ZNF529: variants seen among roughly 807,000 people sequenced by gnomAD.
ZNF529 encodes the protein zinc finger protein 529.
In ZNF529, 11 loss-of-function variants were observed where a neutral mutation model predicts 10.1. The observed-to-expected ratio is 1.09, with a 90% confidence interval of 0.69 to 1.81. The LOEUF (loss-of-function observed/expected upper bound fraction) is 1.81. Among genes scored for constraint, ZNF529 ranks in the 40% most tolerant of loss-of-function variants. ZNF529 has a pLI of 0.00. For missense variants in ZNF529, 624 were observed against 666.8 expected (o/e 0.94, Z 0.71); for synonymous variants, 204 against 215.7 (o/e 0.95, Z 0.47).
At chr19:36,603,209 G>T (rs1600380248) in intron 1 of ZNF529, among the ~76,000 whole-genome samples, 1 of 152,246 alleles carries the variant, frequency 6.6e-6, no homozygotes, top group East Asian at 1.9e-4. Flanking sequence ...TAAGCAATTG[G>T]TCTCCTCCGT....
At chr19:36,556,987 C>T (rs1243794288) in intron 2 of ZNF529, among the ~76,000 whole-genome samples, 2 of 152,098 alleles carry the variant, frequency 1.3e-5, no homozygotes, top group African/African-American at 4.8e-5. Flanking sequence ...GGCTTGTTTG[C>T]CAGACAGAAA....
chr19:36,577,382 C>A, upstream of ZNF529: 1 of 294,610 alleles, frequency 3.4e-6, no homozygotes, highest in Admixed American at 4.7e-5. Context: ...ACCACTGTTT[C>A]CCTTCTAGTC....
chr19:36,559,402 G>A (rs1420194605), intron 2 of ZNF529, among the ~76,000 whole-genome samples: 3 of 152,164 alleles, frequency 2.0e-5, no homozygotes, highest in Admixed American at 1.3e-4. Context: ...TCCACCTCCC[G>A]GGTTCAAGCA....
Position 36,546,748 on chromosome 19 carries a change from A to G in ZNF529, c.*118T>C, listed in dbSNP as rs757699878. 2.8e-5 allele frequency: 30 copies of G among 1,064,164 alleles called. No homozygotes were observed. Among genetic ancestry groups the G allele is most frequent in the Non-Finnish European group, 3.8e-5 (28 of 744,784 alleles). The allele number at this position is 1,064,164 out of a possible 1,614,324, so 65.9% of individuals were successfully genotyped here. ...TACGTCTACATACAGAATGACCATG[A>G]AGTCTAAAAACAGACTTTAAGAGAG... On this transcript the variant is annotated 3_prime_UTR_variant, in exon 5 of 5. Coordinates refer to ENST00000591340, the MANE Select transcript of ZNF529 (RefSeq NM_020951.5).
At chr19:36,594,956 G>A (rs964459706) in intron 1 of ZNF529, among the ~76,000 whole-genome samples, 2 of 150,956 alleles carry the variant, frequency 1.3e-5, no homozygotes, top group Non-Finnish European at 2.9e-5. Context: ...TCGGCTCACT[G>A]CAACCTCCGC....
chr19:36,584,436 G>A (rs754158652), intron 2 of ZNF529, among the ~76,000 whole-genome samples: 1 of 151,918 alleles, frequency 6.6e-6, no homozygotes, highest in African/African-American at 2.4e-5. Flanking sequence ...TACTTTTTAC[G>A]GAATTTCAAA....
chr19:36,584,534 A>G (rs2036537465), intron 2 of ZNF529, among the ~76,000 whole-genome samples: 1 of 152,196 alleles, frequency 6.6e-6, no homozygotes, highest in Non-Finnish European at 1.5e-5. Context: ...TGGGAGGCCA[A>G]GATGGGCAGA....
rs751168073 is a variant in ZNF529 at position 36,547,439 on chromosome 19, C to T, written c.1119G>A (p.Lys373=). The T allele has an allele frequency of 1.2e-6, 2 of 1,613,970 alleles. No homozygotes were observed. The highest frequency in any genetic ancestry group is 1.7e-6 in the Non-Finnish European group (2 of 1,179,928). ...EKPYACKECG[K]AFGVCRELAR... ...CAAGTTCTCTACATACTCCAAAAGC[C>T]TTCCCACATTCCTTACATGCATAAG... Residue 373 remains lysine (K), a synonymous_variant, in exon 5 of 5, where the codon AAG becomes AAA. Transcript: ENST00000591340.
In ZNF529 at chr19:36,547,753, C is replaced by T; in HGVS notation, c.805G>A (p.Val269Ile). The change falls in exon 5 of 5, where the codon GTT (valine) becomes ATT (isoleucine). Residue 269 changes from valine (V) to isoleucine (I), a missense_variant. Transcript: ENST00000591340. ...YRRTFERVGK[V>I]TPLQRVHDGE... ...TCATGAACTCTTTGAAGTGGAGTAA[C>T]TTTTCCAACTCTTTCAAAGGTCCTT... is the stretch of plus-strand genomic sequence containing the variant. The T allele has an allele frequency of 1.9e-6, 3 of 1,613,392 alleles. No individual in the cohort carries two copies. The highest frequency in any genetic ancestry group is 2.5e-6 in the Non-Finnish European group (3 of 1,179,688).
upstream of ZNF529, among the ~76,000 whole-genome samples, chr19:36,576,438 G>A (rs2036319061): frequency 6.6e-6 from 1 of 151,886 alleles, no homozygotes; most frequent in Non-Finnish European, 1.5e-5. Flanking sequence ...GGATATTTTG[G>A]CCGGGCGCGG....
intron 3 of ZNF529, among the ~76,000 whole-genome samples, chr19:36,555,031 C>T (rs1033381421): frequency 6.6e-6 from 1 of 152,092 alleles, no homozygotes; most frequent in African/African-American, 2.4e-5. Context: ...ATTTAGCCAA[C>T]CATGTCTGGA....
At chr19:36,579,805 CT>C (rs1179574313) in intron 2 of ZNF529, among the ~76,000 whole-genome samples, 3 of 152,146 alleles carry the variant, frequency 2.0e-5, no homozygotes, top group African/African-American at 7.2e-5. Context: ...CTGCTGTAGA[CT>C]TTACAAGCAG....
At chr19:36,573,320 A>G (rs2036217859), upstream of ZNF529, 2 of 385,514 alleles carry the variant, frequency 5.2e-6, no homozygotes, top group South Asian at 3.5e-5. Context: ...CAAAGGTCGA[A>G]GTTCATCCGC....
intron 4 of ZNF529, among the ~76,000 whole-genome samples, chr19:36,554,143 G>A (rs1184433779): frequency 6.6e-6 from 1 of 152,080 alleles, no homozygotes; most frequent in Non-Finnish European, 1.5e-5. Flanking sequence ...CCAGCTCCTT[G>A]GTATCAAAGA....
rs537962993 is a variant in ZNF529, at chr19:36,565,429, G to A, written c.14+6904C>T. Among the ~76,000 whole-genome samples, 216 of 152,268 alleles carry A rather than the reference G, an allele frequency of 1.4e-3. 1 individual carries two copies. The highest frequency in any genetic ancestry group is 5.0e-3 in the African/African-American group (208 of 41,550). ...TACAAAAATGAAGAACAGGCCGGGCGCGGTGGCTCACACCTGTAATCCCAG... is the reference window on the plus strand; with the variant it reads ...TACAAAAATGAAGAACAGGCCGGGCACGGTGGCTCACACCTGTAATCCCAG... On this transcript the variant is annotated intron_variant, in intron 2 of 4. Transcript: ENST00000591340.
intron 2 of ZNF529, among the ~76,000 whole-genome samples, chr19:36,564,886 T>C (rs545732074): frequency 1.3e-5 from 2 of 152,300 alleles, no homozygotes; most frequent in South Asian, 4.1e-4. Flanking sequence ...AAATGTGGTA[T>C]ACATATGTCA....
intron 1 of ZNF529, among the ~76,000 whole-genome samples, chr19:36,600,120 T>G (rs909334890): frequency 1.3e-5 from 2 of 151,870 alleles, no homozygotes; most frequent in Non-Finnish European, 2.9e-5. Flanking sequence ...CCACCCACCT[T>G]GGCCTCACAA....
chr19:36,578,294 T>A (rs868759716), intron 2 of ZNF529, among the ~76,000 whole-genome samples: 2 of 15,668 alleles, frequency 1.3e-4, no homozygotes, highest in South Asian at 1.9e-3. Context: ...TTGATCTCTT[T>A]TTTTTTTTTT....
At chr19:36,576,479 G>T (rs967307828), upstream of ZNF529, among the ~76,000 whole-genome samples, 41 of 152,100 alleles carry the variant, frequency 2.7e-4, no homozygotes, top group Non-Finnish European at 5.3e-4. Context: ...AACACTTTGG[G>T]AGGCTGAGGC....
Sources: gnomAD v4.1 joint callset for allele counts (sites outside exome capture counted in the v4.1 genomes callset) on GRCh38, gnomAD v4.1.1 for gene constraint, MANE v1.5 for transcripts, NCBI Gene and HGNC (gene_info 2026-07-23, HGNC 2026-07-21) for gene names.